Variants in MYPN observed in about 807,000 individuals in gnomAD.
MYPN encodes myopalladin.
Under a neutral mutation model 129.4 loss-of-function variants are expected in MYPN, and 63 were observed. That is an observed-to-expected ratio of 0.49 (90% CI 0.40 to 0.60). The LOEUF is 0.60. Ranked by LOEUF, MYPN falls within the 20% of genes least tolerant of loss-of-function variation. The probability of loss-of-function intolerance (pLI) is 0.00; values close to 1 mark genes in which losing one functional copy is unlikely to be tolerated. For missense variants in MYPN, 1,596 were observed against 1,635.4 expected, an observed-to-expected ratio of 0.98 and a Z score of 0.42; for synonymous variants, 629 against 600.9, an observed-to-expected ratio of 1.05 and a Z score of -0.68.
Position 68,146,594 on chromosome 10 carries a change from T to G in MYPN, c.1130+1068T>G, listed in dbSNP as rs1249461543. Among the ~76,000 whole-genome samples, 6 of 152,240 alleles carry G rather than the reference T, an allele frequency of 3.9e-5. No homozygotes were observed. In the East Asian group the frequency reaches 1.2e-3, roughly 29 times the overall value. On this transcript the variant is annotated intron_variant, in intron 4 of 19. Transcript: ENST00000358913. ...ACTGTGACTTAAATGAAACAGATAT[T>G]TATTTCTTATTTACATACAAATCTG...
At chr10:68,120,762 T>A (rs10509294) in intron 1 of MYPN, among the ~76,000 whole-genome samples, 16,906 of 152,232 alleles carry the variant, frequency 0.11, 1,004 homozygotes, top group South Asian at 0.18. Context: ...TCTCTGTGTA[T>A]GAAAGCACTG....
chr10:68,120,849 T>C (rs10823141), intron 1 of MYPN, among the ~76,000 whole-genome samples: 16,502 of 152,206 alleles, frequency 0.11, 1,304 homozygotes, highest in East Asian at 0.4. Flanking sequence ...AGTTATGTCA[T>C]GGCCTTCACA....
In MYPN at chr10:68,174,322, G is replaced by A. The variant is rs1320649217; in HGVS notation, c.2230G>A (p.Val744Met). ...AACTGTGGCCCCTTCCAGCTCTCCG[G>A]TGTTCACTTTGAGCAGCACTCCTCA... ...AATVAPSSSPVFTLSSTPQTI... is the reference protein window; with the variant it reads ...AATVAPSSSPMFTLSSTPQTI... Residue 744 changes from valine to methionine, a missense_variant, in exon 11 of 20, where the codon GTG (valine) becomes ATG (methionine). Coordinates refer to ENST00000358913, the MANE Select transcript of MYPN (RefSeq NM_032578.4). The A allele has an allele frequency of 6.2e-7, 1 of 1,613,972 alleles. No homozygotes were observed. The highest frequency in any genetic ancestry group is 8.5e-7 in the Non-Finnish European group (1 of 1,180,042).
At chr10:68,207,565 G>A (rs941229876) in intron 19 of MYPN, among the ~76,000 whole-genome samples, 11 of 151,208 alleles carry the variant, frequency 7.3e-5, no homozygotes, top group African/African-American at 2.7e-4. Flanking sequence ...GTGATGCCCC[G>A]GCAGAATTTT....
intron 10 of MYPN, among the ~76,000 whole-genome samples, chr10:68,172,157 C>T (rs1420105559): frequency 6.6e-6 from 1 of 152,050 alleles, no homozygotes; most frequent in Non-Finnish European, 1.5e-5. Flanking sequence ...AGTTTGAGAC[C>T]AGCCTGGGCA....
rs10997966 is a variant in MYPN, at chr10:68,165,049, C to T, written c.1484-653C>T. On this transcript the variant is annotated intron_variant, in intron 8 of 19. Coordinates refer to ENST00000358913, the MANE Select transcript of MYPN (RefSeq NM_032578.4). The stretch of plus-strand genomic sequence containing the variant: ...CAGAAACTTCCTTTTCCTTTGACTC[C>T]TAATTTGTTTTTGTGATTTTTTAAG... Among the ~76,000 whole-genome samples, 630 of 152,288 alleles carry T rather than the reference C, an allele frequency of 4.1e-3. 7 individuals are homozygous for T. Among genetic ancestry groups the T allele is most frequent in the African/African-American group, 0.014 (601 of 41,558 alleles).
rs779817216 is a variant in MYPN at position 68,210,356 on chromosome 10, C to T, written c.3864C>T (p.Thr1288=). The change falls in exon 20 of 20, where the codon ACC becomes ACT. Residue 1288 remains threonine (T), a synonymous_variant. Transcript: ENST00000358913. The part of the protein sequence containing the change: ...RPSGSRYGSL[T]SKGLDIFSAF... ...GTGGCAGTCGCTACGGATCTCTCAC[C>T]AGTAAAGGACTTGACATATTTTCTG... The T allele has an allele frequency of 2.5e-6, 4 of 1,614,156 alleles. No individual in the cohort carries two copies. In the Admixed American group the frequency reaches 6.7e-5, roughly 27 times the overall value.
At chr10:68,198,157 G>A (rs1466829067) in intron 16 of MYPN, among the ~76,000 whole-genome samples, 1 of 152,170 alleles carries the variant, frequency 6.6e-6, no homozygotes, top group Non-Finnish European at 1.5e-5. Context: ...TGCTATGGAA[G>A]ATTTAGATAC....
chr10:68,112,738 C>T (rs1029531742), intron 1 of MYPN, among the ~76,000 whole-genome samples: 2 of 152,126 alleles, frequency 1.3e-5, no homozygotes, highest in Non-Finnish European at 2.9e-5. Context: ...CAAGTTCTTA[C>T]TCTGGTAATG....
rs757190838 is a variant in MYPN at position 68,174,608 on chromosome 10, C to A, written c.2516C>A (p.Ala839Asp). The A allele has an allele frequency of 2.2e-5, 36 of 1,614,062 alleles. No individual in the cohort carries two copies. Among genetic ancestry groups the A allele is most frequent in the Non-Finnish European group, 3.0e-5 (35 of 1,180,040 alleles). Residue 839 changes from alanine to aspartate, a missense_variant, in exon 11 of 20, where the codon GCC becomes GAC. Physicochemically the swap from Ala to Asp is moderately radical, Grantham distance 126. Transcript: ENST00000358913. ...AGCTCTGTTCTGCCTTCTCTCCCTG[C>A]CATCCCACCCACAAATGCCATGGGG... ...FLSSVLPSLP[A>D]IPPTNAMGLP...
In MYPN at chr10:68,121,346, A is replaced by T. The variant is rs10509295; in HGVS notation, c.-1-92A>T. On this transcript the variant is annotated intron_variant, in intron 1 of 19. Transcript: ENST00000358913. ...TAGGCAATTCTTTATTTTGAGCTTT[A>T]ATTTCTAACGAGTCTGCAGTGCTAT... 136,713 of 1,087,788 alleles carry T rather than the reference A, an allele frequency of 0.13. 9,596 individuals carry two copies. The highest frequency in any genetic ancestry group is 0.24 in the African/African-American group (14,924 of 63,020). 67.4% of individuals were successfully genotyped at this position (1,087,788 alleles called of 1,614,324 possible).
rs199476414 is a variant in MYPN at position 68,189,065 on chromosome 10, G to A, written c.2864G>A (p.Arg955Gln). The stretch of plus-strand genomic sequence containing the variant: ...TTTGACAAGAGACTCAAGCACTTCC[G>A]GGTCACAGAAGGCTCTCCAGTTACA... ...PIFDKRLKHF[R>Q]VTEGSPVTFT... Residue 955 changes from arginine to glutamine, a missense_variant, in exon 13 of 20, where the codon CGG (arginine) becomes CAG (glutamine). Transcript: ENST00000358913. 1.1e-4 allele frequency: 173 copies of A among 1,614,012 alleles called. No homozygotes were observed. The highest frequency in any genetic ancestry group is 1.3e-4 in the Non-Finnish European group (155 of 1,180,010).
At chr10:68,171,398 G>A (rs1414905218) in intron 10 of MYPN, among the ~76,000 whole-genome samples, 1 of 152,062 alleles carries the variant, frequency 6.6e-6, no homozygotes, top group Non-Finnish European at 1.5e-5. Context: ...TGGCAGACCC[G>A]CTGCATCAGC....
chr10:68,206,683 G>A (rs772046175), intron 18 of MYPN, 87 bp from the exon 19 acceptor site: 4 of 1,576,712 alleles, frequency 2.5e-6, no homozygotes, highest in African/African-American at 1.4e-5. Context: ...CTTAAGCTGA[G>A]TTCCCCCTTC....
At chr10:68,101,028 T>C (rs1471622031) in intron 1 of MYPN, among the ~76,000 whole-genome samples, 2 of 152,200 alleles carry the variant, frequency 1.3e-5, no homozygotes, top group Non-Finnish European at 2.9e-5. Context: ...AATAAGACAG[T>C]TTACACATCA....
chr10:68,140,478 A>G (rs573674472), intron 2 of MYPN, among the ~76,000 whole-genome samples: 2 of 152,062 alleles, frequency 1.3e-5, no homozygotes, highest in African/African-American at 4.8e-5. Context: ...AAGCGTGTAT[A>G]ATCAGGTATT....
At chr10:68,190,517 C>T (rs1377931140) in intron 13 of MYPN, among the ~76,000 whole-genome samples, 1 of 152,108 alleles carries the variant, frequency 6.6e-6, no homozygotes, top group Non-Finnish European at 1.5e-5. Context: ...CCATTTTTAA[C>T]AGTCTTTGTT....
chr10:68,158,105 A>T, intron 6 of MYPN: 1 of 198,156 alleles, frequency 5.0e-6, no homozygotes, highest in South Asian at 1.0e-4. Context: ...TGGCTGTGAC[A>T]TCTGTCACCC....
chr10:68,189,301 G>A (rs942945598), intron 13 of MYPN, among the ~76,000 whole-genome samples, 175 bp downstream of exon 13: 1 of 152,156 alleles, frequency 6.6e-6, no homozygotes, highest in Admixed American at 6.5e-5. Flanking sequence ...TATACAATGT[G>A]TAATGATCAA....
Sources: gnomAD v4.1 joint callset for allele counts (sites outside exome capture counted in the v4.1 genomes callset) on GRCh38, gnomAD v4.1.1 for gene constraint, MANE v1.5 for transcripts, NCBI Gene and HGNC (gene_info 2026-07-23, HGNC 2026-07-21) for gene names.